CALN1: variants seen among roughly 807,000 people sequenced by gnomAD.
The protein encoded by CALN1 is calneuron 1, also known as calcium-binding protein 8.
A neutral mutation model predicts 30.6 loss-of-function variants in CALN1; 17 were observed. The ratio of observed to expected loss-of-function variants is 0.56; its 90% CI spans 0.38 to 0.83. CALN1 has a LOEUF of 0.83. Ranked by LOEUF, CALN1 falls within the 40% of genes least tolerant of loss-of-function variation. CALN1 has a pLI of 0.00. For synonymous variants in CALN1, 156 were observed against 131.4 expected (o/e 1.19, Z -1.28); for missense variants, 291 against 354.9 (o/e 0.82, Z 1.45).
At position 72,369,773 on chromosome 7, in the gene CALN1, A is replaced by G. The variant is rs543248055; in HGVS notation, c.119+33478T>C. Among the ~76,000 whole-genome samples, 188 of 152,252 alleles carry G rather than the reference A, an allele frequency of 1.2e-3. 1 individual carries two copies. The highest frequency in any genetic ancestry group is 4.0e-3 in the African/African-American group (166 of 41,548). On this transcript the variant is annotated intron_variant, in intron 2 of 6. Transcript: ENST00000395275. ...TGTTGTCTGGCTTCATCTCAGCATAATTATTCTGAAATTCACCCATGTTGT... is the reference window on the plus strand; with the variant it reads ...TGTTGTCTGGCTTCATCTCAGCATAGTTATTCTGAAATTCACCCATGTTGT...
intron 4 of CALN1, among the ~76,000 whole-genome samples, chr7:72,071,498 T>C (rs1017411765): frequency 4.9e-5 from 7 of 144,152 alleles, no homozygotes; most frequent in African/African-American, 2.5e-5. Flanking sequence ...ACAGGAGAAA[T>C]AAGAAAAAAA....
chr7:72,259,588 C>T (rs35363996), intron 3 of CALN1, among the ~76,000 whole-genome samples: 51,750 of 151,952 alleles, frequency 0.34, 10,099 homozygotes, highest in Middle Eastern at 0.53. Flanking sequence ...AATCCCACTC[C>T]CACCAATTAT....
intron 2 of CALN1, among the ~76,000 whole-genome samples, chr7:72,378,453 T>A (rs1433923387): frequency 6.6e-6 from 1 of 152,172 alleles, no homozygotes; most frequent in Non-Finnish European, 1.5e-5. Context: ...ATTCTGACCA[T>A]TTTTTCAGGA....
chr7:72,012,479 T>C (rs1389722362), intron 5 of CALN1, among the ~76,000 whole-genome samples: 2 of 152,206 alleles, frequency 1.3e-5, no homozygotes, highest in African/African-American at 4.8e-5. Context: ...GCCACTGCAC[T>C]CCAGCCTGGC....
intron 5 of CALN1, among the ~76,000 whole-genome samples, chr7:71,985,259 T>C (rs535970170): frequency 2.0e-5 from 3 of 152,322 alleles, no homozygotes; most frequent in East Asian, 1.9e-4. Context: ...ACTCTGCGTA[T>C]TGGCAAAGAT....
intron 5 of CALN1, among the ~76,000 whole-genome samples, chr7:72,007,952 C>A (rs753596567): frequency 3.3e-5 from 5 of 152,078 alleles, no homozygotes; most frequent in Non-Finnish European, 7.3e-5. Context: ...CACAGACACA[C>A]ACAAAGAGAA....
At chr7:72,150,166 G>A (rs1285971355) in intron 3 of CALN1, among the ~76,000 whole-genome samples, 6 of 150,638 alleles carry the variant, frequency 4.0e-5, no homozygotes, top group Admixed American at 4.0e-4. Flanking sequence ...TACCAGGACA[G>A]ACAGTAGCTG....
chr7:72,057,869 T>C (rs1803369644), intron 4 of CALN1, among the ~76,000 whole-genome samples: 1 of 152,202 alleles, frequency 6.6e-6, no homozygotes, highest in African/African-American at 2.4e-5. Flanking sequence ...GTTGTTTCTC[T>C]TTTTCAAGTC....
intron 4 of CALN1, among the ~76,000 whole-genome samples, chr7:72,064,454 T>C: frequency 6.6e-6 from 1 of 152,310 alleles, no homozygotes; most frequent in South Asian, 2.1e-4. Flanking sequence ...GTGCTCTTTG[T>C]CAGCCAGATG....
chr7:72,024,518 C>T (rs1340407161), intron 4 of CALN1, among the ~76,000 whole-genome samples: 1 of 152,126 alleles, frequency 6.6e-6, no homozygotes, highest in African/African-American at 2.4e-5. Context: ...CATGCCTCAG[C>T]CTCCAGAGTA....
At chr7:71,965,692 C>T (rs185486277) in intron 5 of CALN1, among the ~76,000 whole-genome samples, 1 of 152,066 alleles carries the variant, frequency 6.6e-6, no homozygotes, top group African/African-American at 2.4e-5. Context: ...ATGGTATATG[C>T]ACAACCAAAA....
chr7:72,416,796 C>T (rs1348660726), upstream of CALN1, among the ~76,000 whole-genome samples: 2 of 151,500 alleles, frequency 1.3e-5, no homozygotes, highest in Non-Finnish European at 2.9e-5. Flanking sequence ...GGCTTCATCC[C>T]GATTTGGGGA....
chr7:72,497,803 C>T, the CALN1 span, among the ~76,000 whole-genome samples: 7 of 151,928 alleles, frequency 4.6e-5, no homozygotes, highest in Admixed American at 1.3e-4. Flanking sequence ...CAAAATGTGA[C>T]GACTAATAAA....
chr7:71,876,420 A>G (rs1208068677), intron 5 of CALN1, among the ~76,000 whole-genome samples: 3 of 148,426 alleles, frequency 2.0e-5, no homozygotes, highest in African/African-American at 7.5e-5. Flanking sequence ...TTGTGCCAGA[A>G]GCTGCCACCA....
chr7:72,451,099 A>C (rs1233905625), upstream of CALN1, among the ~76,000 whole-genome samples: 1 of 151,388 alleles, frequency 6.6e-6, no homozygotes, highest in Non-Finnish European at 1.5e-5. Context: ...GAGGAGGGGG[A>C]GGAGAAGAAA....
At chr7:72,160,968 C>T (rs948704825) in intron 3 of CALN1, among the ~76,000 whole-genome samples, 3 of 152,166 alleles carry the variant, frequency 2.0e-5, no homozygotes, top group African/African-American at 7.2e-5. Flanking sequence ...GACCACGGAA[C>T]TCAATCTTGG....
the CALN1 span, among the ~76,000 whole-genome samples, chr7:72,487,778 AAG>A: frequency 2.6e-4 from 30 of 116,272 alleles, no homozygotes; most frequent in African/African-American, 1.0e-3. Flanking sequence ...GAAAGAAAGA[AAG>A]AGAAAGAAAG....
intron 3 of CALN1, among the ~76,000 whole-genome samples, chr7:72,142,030 C>G (rs564152125): frequency 5.9e-5 from 9 of 152,352 alleles, no homozygotes; most frequent in Admixed American, 2.6e-4. Flanking sequence ...CTCCAGTCTA[C>G]AGCTCCCAGC....
At chr7:72,027,211 G>A (rs1441424740) in intron 4 of CALN1, among the ~76,000 whole-genome samples, 1 of 152,148 alleles carries the variant, frequency 6.6e-6, no homozygotes, top group Non-Finnish European at 1.5e-5. Context: ...AAAGGTTCTT[G>A]GGAGGTGCTT....
Sources: gnomAD v4.1 joint callset for allele counts (sites outside exome capture counted in the v4.1 genomes callset) on GRCh38, gnomAD v4.1.1 for gene constraint, MANE v1.5 for transcripts, NCBI Gene and HGNC (gene_info 2026-07-23, HGNC 2026-07-21) for gene names.